The following PLA2G6 variants were observed in gnomAD, a reference collection of about 807,000 sequenced individuals.
PLA2G6 encodes the protein 85/88 kDa calcium-independent phospholipase A2.
A neutral mutation model predicts 83.8 loss-of-function variants in PLA2G6; 62 were observed. The observed-to-expected ratio is 0.74, with a 90% CI of 0.60 to 0.91. The LOEUF is 0.91. Ranked by LOEUF, PLA2G6 falls within the 40% of genes least tolerant of loss-of-function variation. The probability of loss-of-function intolerance (pLI) is 0.00; values close to 1 mark genes in which losing one functional copy is unlikely to be tolerated. For missense variants in PLA2G6, 944 were observed against 1,102.0 expected (o/e 0.86, Z 2.03); for synonymous variants, 417 against 449.8 (o/e 0.93, Z 0.92).
chr22:38,113,976 A>T, intron 14 of PLA2G6: 2 of 444,122 alleles, frequency 4.5e-6, no homozygotes, highest in Admixed American at 6.0e-5. Flanking sequence ...AGGGGAGGAA[A>T]GGCAGACGGT....
At chr22:38,146,042 T>G in intron 2 of PLA2G6, 1 of 254,042 alleles carries the variant, frequency 3.9e-6, no homozygotes, top group Non-Finnish European at 7.8e-6. Context: ...CCAGCTAATT[T>G]TTTTTTTTTT....
intron 2 of PLA2G6, among the ~76,000 whole-genome samples, chr22:38,166,448 A>G (rs181789556): frequency 6.6e-6 from 1 of 152,242 alleles, no homozygotes; most frequent in African/African-American, 2.4e-5. Context: ...AGACAAACAA[A>G]GCCGGGCATG....
chr22:38,162,176 T>C (rs1283681483), intron 2 of PLA2G6, among the ~76,000 whole-genome samples: 3 of 128,058 alleles, frequency 2.3e-5, no homozygotes, highest in African/African-American at 9.1e-5. Flanking sequence ...GCCACTGCAC[T>C]CCAGCCTGGG....
intron 12 of PLA2G6, 90 bp from the exon 13 acceptor site, chr22:38,116,301 G>A (rs1410035540): frequency 2.2e-6 from 3 of 1,388,212 alleles, no homozygotes; most frequent in Non-Finnish European, 3.1e-6. Flanking sequence ...GCCTTGGGTA[G>A]CAGAGTGCCC....
intron 2 of PLA2G6, among the ~76,000 whole-genome samples, chr22:38,156,689 G>A (rs545471571): frequency 1.6e-4 from 24 of 152,094 alleles, no homozygotes; most frequent in South Asian, 6.2e-4. Flanking sequence ...TCCTGACCTC[G>A]TGATCTGCCT....
chr22:38,168,592 G>T (rs563593122), intron 2 of PLA2G6, among the ~76,000 whole-genome samples: 1 of 152,288 alleles, frequency 6.6e-6, no homozygotes, highest in Non-Finnish European at 1.5e-5. Flanking sequence ...GCTCACGCCT[G>T]CAATCCCAGC....
intron 3 of PLA2G6, 134 bp from the exon 4 acceptor site, chr22:38,143,422 G>C (rs1381421649): frequency 2.5e-6 from 2 of 801,888 alleles, no homozygotes; most frequent in African/African-American, 3.4e-5. Flanking sequence ...GAGCATTCCC[G>C]CCACTCAGCT....
At chr22:38,133,058 C>T (rs1309630523) in intron 6 of PLA2G6, 45 bp from the exon 7 acceptor site, 35 of 1,528,322 alleles carry the variant, frequency 2.3e-5, no homozygotes, top group Non-Finnish European at 3.1e-5. Context: ...ACTCGGGGAG[C>T]TGCCGCACCC....
Position 38,128,511 on chromosome 22 carries a change from C to T in PLA2G6, c.1187-81G>A, listed in dbSNP as rs949903869. Reference sequence around the variant, plus strand: ...GCAAAGGAGAGGCCCCTCCTTTCCACACTCCGTCCCCTGTCCCAGCTCCCA... The same window carrying T: ...GCAAAGGAGAGGCCCCTCCTTTCCATACTCCGTCCCCTGTCCCAGCTCCCA... On this transcript the variant is annotated intron_variant, in intron 8 of 16. Coordinates refer to ENST00000332509, the MANE Select transcript of PLA2G6 (RefSeq NM_003560.4). This position sits in a 1 kb window ranked among gnomAD's most constrained non-coding sequence, Gnocchi z 4.4. The T allele has an allele frequency of 6.1e-6, 9 of 1,464,218 alleles. No individual in the cohort carries two copies. Among genetic ancestry groups the T allele is most frequent in the South Asian group, 1.2e-5 (1 of 84,698 alleles). The allele number at this position is 1,464,218 out of a possible 1,614,324, so 90.7% of individuals were successfully genotyped here.
intron 5 of PLA2G6, chr22:38,137,470 G>T: frequency 6.6e-6 from 1 of 152,376 alleles, no homozygotes. Context: ...CCCTTCCTCA[G>T]CAGGGGCTTA....
chr22:38,153,125 G>A (rs968156760), intron 2 of PLA2G6, among the ~76,000 whole-genome samples: 1 of 152,176 alleles, frequency 6.6e-6, no homozygotes, highest in African/African-American at 2.4e-5. Flanking sequence ...AATGAAGGTG[G>A]AGGCAAAGCA....
At chr22:38,159,849 C>T (rs2089941607) in intron 2 of PLA2G6, among the ~76,000 whole-genome samples, 1 of 152,106 alleles carries the variant, frequency 6.6e-6, no homozygotes, top group Admixed American at 6.5e-5. Context: ...AAACAAGACA[C>T]AAAAAGTACA....
chr22:38,132,768 CG>C lies in PLA2G6; in HGVS notation c.1077+62del. 7.1e-7 allele frequency: 1 copy of C among 1,406,992 alleles called. No homozygotes were observed. 87.2% of individuals were successfully genotyped at this position (1,406,992 alleles called of 1,614,324 possible). On this transcript the variant is annotated intron_variant, in intron 7 of 16. Coordinates refer to ENST00000332509, the MANE Select transcript of PLA2G6 (RefSeq NM_003560.4). This position sits in a 1 kb window ranked among gnomAD's most constrained non-coding sequence, Gnocchi z 5.0. ...GACAGTGGGGAGGAGGGCTCCAGTC[CG>C]GACAGCCCTCCTGCATTCCCACCGG...
intron 10 of PLA2G6, among the ~76,000 whole-genome samples, chr22:38,124,592 C>T (rs2087723651): frequency 6.6e-6 from 1 of 152,162 alleles, no homozygotes; most frequent in African/African-American, 2.4e-5. Flanking sequence ...TCCCTCACAG[C>T]CCGCCTGCTG....
Position 38,145,430 on chromosome 22 carries a change from T to C in PLA2G6, c.425+8A>G. On this transcript the variant is annotated splice_region_variant and intron_variant, in intron 3 of 16. Coordinates refer to ENST00000332509, the MANE Select transcript of PLA2G6 (RefSeq NM_003560.4). ...ACGTTGTCCAAATGGTCTTGTTCCC[T>C]TGCTCACCTGATGATACGGCTGTGA... 6.3e-7 allele frequency: 1 copy of C among 1,599,616 alleles called. No homozygotes were observed. Among genetic ancestry groups the C allele is most frequent in the Non-Finnish European group, 8.5e-7 (1 of 1,173,630 alleles).
At chr22:38,148,199 T>A (rs1050821663) in intron 2 of PLA2G6, 1 of 340,038 alleles carries the variant, frequency 2.9e-6, no homozygotes. Flanking sequence ...CTGATTAAAG[T>A]GGGTTTAAGG....
At chr22:38,176,450 G>A (rs1484588987) in intron 1 of PLA2G6, among the ~76,000 whole-genome samples, 12 of 152,174 alleles carry the variant, frequency 7.9e-5, no homozygotes, top group Admixed American at 7.2e-4. Context: ...AGCTGCTGAC[G>A]ACAGGATGTC....
chr22:38,116,683 C>T (rs2087215005), intron 12 of PLA2G6, among the ~76,000 whole-genome samples: 1 of 151,756 alleles, frequency 6.6e-6, no homozygotes, highest in South Asian at 2.1e-4. Flanking sequence ...GGGGAAACCC[C>T]GTCTCTACTA....
intron 1 of PLA2G6, among the ~76,000 whole-genome samples, chr22:38,171,668 A>G (rs974166734): frequency 1.2e-4 from 18 of 152,052 alleles, no homozygotes; most frequent in South Asian, 1.0e-3. Context: ...AAAATATAAA[A>G]AAATTAGCTG....
Sources: gnomAD v4.1 joint callset for allele counts (sites outside exome capture counted in the v4.1 genomes callset) on GRCh38, gnomAD v4.1.1 for gene constraint, Gnocchi (gnomAD v3.1) non-coding constraint, MANE v1.5 for transcripts, NCBI Gene and HGNC (gene_info 2026-07-23, HGNC 2026-07-21) for gene names.